Variants in STIL observed in about 807,000 individuals in gnomAD.
STIL encodes SCL-interrupting locus protein.
In STIL, 55 loss-of-function variants were observed where a neutral mutation model predicts 110.1. That is an observed-to-expected ratio of 0.50 (90% CI 0.40 to 0.63). STIL has a LOEUF of 0.63. STIL is among the 20% of genes least tolerant of loss of function. The probability of loss-of-function intolerance (pLI) is 0.00; values close to 1 mark genes in which losing one functional copy is unlikely to be tolerated. For missense variants in STIL, 1,358 were observed against 1,530.0 expected, an observed-to-expected ratio of 0.89 and a Z score of 1.87; for synonymous variants, 481 against 530.0, an observed-to-expected ratio of 0.91 and a Z score of 1.27.
chr1:47,286,613 T>G (rs980460817), intron 10 of STIL, among the ~76,000 whole-genome samples: 11 of 151,642 alleles, frequency 7.3e-5, no homozygotes, highest in Middle Eastern at 3.4e-3. Flanking sequence ...GAGAATGGCG[T>G]GGACCCGGGA....
chr1:47,282,109 C>T (rs1260955575), intron 11 of STIL, among the ~76,000 whole-genome samples: 1 of 151,962 alleles, frequency 6.6e-6, no homozygotes, highest in East Asian at 1.9e-4. Context: ...AATAACCATA[C>T]ATGCTTATTA....
Position 47,251,071 on chromosome 1 carries a change from T to C in STIL, c.*65A>G. The C allele has an allele frequency of 1.3e-6, 2 of 1,503,240 alleles. No individual in the cohort carries two copies. The highest frequency in any genetic ancestry group is 1.8e-6 in the Non-Finnish European group (2 of 1,105,712). The allele number at this position is 1,503,240 out of a possible 1,614,324, so 93.1% of individuals were successfully genotyped here. A position where few individuals can be genotyped will look rare whatever the true frequency, so the allele number is the denominator to read the frequency against. On this transcript the variant is annotated 3_prime_UTR_variant, in exon 17 of 17. Transcript: ENST00000371877. ...GATCAGGAGCCTTGTGGTAGGCTCC[T>C]GTTTTCCCTAAGTATCTTCAGGAGA...
chr1:47,270,251 T>TACAC (rs1223004051), intron 13 of STIL, among the ~76,000 whole-genome samples: 13,721 of 118,570 alleles, frequency 0.12, 944 homozygotes, highest in Non-Finnish European at 0.15. Context: ...AATATATATA[T>TACAC]ATATACACAC....
chr1:47,264,060 T>C (rs1004306386), intron 14 of STIL, among the ~76,000 whole-genome samples: 1 of 152,158 alleles, frequency 6.6e-6, no homozygotes, highest in Admixed American at 6.5e-5. Context: ...GCCTCAAGGA[T>C]TTAAAAATAT....
At chr1:47,297,541 T>A (rs374254032) in intron 6 of STIL, among the ~76,000 whole-genome samples, 1 of 152,170 alleles carries the variant, frequency 6.6e-6, no homozygotes, top group African/African-American at 2.4e-5. Context: ...TATGCCATAA[T>A]GGGCCCTAGT....
At position 47,251,531 on chromosome 1, in the gene STIL, G is replaced by A; in HGVS notation, c.3472C>T (p.Leu1158Phe). ...SKSEYLLNQNLRSIPEQLGGQ... is the reference protein window; with the variant it reads ...SKSEYLLNQNFRSIPEQLGGQ... ...CCAAGCTGTTCAGGTATGGACCTAA[G>A]GTTCTGATTCAATAAATATTCACTC... The change falls in exon 17 of 17, where the codon CTT (leucine) becomes TTT (phenylalanine). Residue 1158 changes from leucine to phenylalanine, a missense_variant. Transcript: ENST00000371877. 6.2e-7 allele frequency: 1 copy of A among 1,614,180 alleles called. No individual in the cohort carries two copies. Among genetic ancestry groups the A allele is most frequent in the South Asian group, 1.1e-5 (1 of 91,070 alleles).
chr1:47,259,598 TAACTTTGGAAGAGTCAGGCAGG>T (rs1335499185), intron 16 of STIL, among the ~76,000 whole-genome samples: 6 of 152,172 alleles, frequency 3.9e-5, no homozygotes, highest in African/African-American at 1.4e-4. Context: ...CTAAGAGAAG[TAACTTTGGAAGAGTCAGGCAGG>T]AATGTGGGGA....
chr1:47,264,040 A>C (rs575534188), intron 14 of STIL, among the ~76,000 whole-genome samples: 2 of 152,328 alleles, frequency 1.3e-5, no homozygotes, highest in South Asian at 4.1e-4. Flanking sequence ...GGCGTGAGCC[A>C]CTGCACCTGG....
Position 47,251,139 on chromosome 1 carries a change from A to C in STIL, c.3864T>G (p.Phe1288Leu), listed in dbSNP as rs1644169881. The C allele has an allele frequency of 6.2e-7, 1 of 1,613,700 alleles. No individual in the cohort carries two copies. Among genetic ancestry groups the C allele is most frequent in the Admixed American group, 1.7e-5 (1 of 59,950 alleles). Reference protein sequence around the residue: ...VKRLRQLPKLF With the variant: ...VKRLRQLPKLL ...AAAAGGGCAGGGAGTTAAAAGGTTA[A>C]AATAATTTTGGTAACTGTCTGAGAC... is the stretch of plus-strand genomic sequence containing the variant. Residue 1288 changes from phenylalanine to leucine, a missense_variant, in exon 17 of 17, where the codon TTT (phenylalanine) becomes TTG (leucine). Coordinates refer to ENST00000371877, the MANE Select transcript of STIL (RefSeq NM_001048166.1).
chr1:47,252,426 T>G (rs1644211347), intron 16 of STIL, among the ~76,000 whole-genome samples: 1 of 151,984 alleles, frequency 6.6e-6, no homozygotes, highest in Admixed American at 6.6e-5. Context: ...GGGATACAAA[T>G]AATAGCCTAG....
chr1:47,311,478 G>A (rs531904385), intron 1 of STIL, among the ~76,000 whole-genome samples: 1 of 151,446 alleles, frequency 6.6e-6, no homozygotes, highest in Non-Finnish European at 1.5e-5. Flanking sequence ...GTAGAGATGG[G>A]GTTTCATCAC....
At chr1:47,256,185 G>A (rs1029145579) in intron 16 of STIL, among the ~76,000 whole-genome samples, 6 of 152,084 alleles carry the variant, frequency 3.9e-5, no homozygotes, top group African/African-American at 9.7e-5. Context: ...TATAAATACT[G>A]ACAGTAAATA....
chr1:47,298,593 C>G (rs1158922586), intron 6 of STIL, among the ~76,000 whole-genome samples: 1 of 151,756 alleles, frequency 6.6e-6, no homozygotes, highest in Non-Finnish European at 1.5e-5. Flanking sequence ...AATTCTCTAG[C>G]CTCCCTTGGG....
chr1:47,251,811 C>T lies in STIL; in HGVS notation c.3192G>A (p.Glu1064=), dbSNP rs145345102. 8.7e-6 allele frequency: 14 copies of T among 1,609,928 alleles called. No homozygotes were observed. The highest frequency in any genetic ancestry group is 1.2e-5 in the Non-Finnish European group (14 of 1,177,768). ...AATATTTCAGAGCTATAGCATTTGC[C>T]TCCATGCTCAAATCCACACCATTGG... ...LSPNGVDLSM[E]ANAIALKYLN... Residue 1064 remains glutamate (E), a synonymous_variant, in exon 17 of 17, where the codon GAG becomes GAA. Coordinates refer to ENST00000371877, the MANE Select transcript of STIL (RefSeq NM_001048166.1).
Position 47,263,174 on chromosome 1 carries a change from G to A in STIL, c.2616-58C>T. 2.0e-6 allele frequency: 3 copies of A among 1,499,910 alleles called. No individual in the cohort carries two copies. The South Asian group carries it at 3.5e-5, about 17-fold the overall frequency. 92.9% of individuals were successfully genotyped at this position (1,499,910 alleles called of 1,614,324 possible). A position where few individuals can be genotyped will look rare whatever the true frequency, so the allele number is the denominator to read the frequency against. ...GGTACCTTTAACATATAATTGAAAT[G>A]TAGTAACTTTAGAAAAAAGGGTTAA... On this transcript the variant is annotated intron_variant, in intron 14 of 16. Coordinates refer to ENST00000371877, the MANE Select transcript of STIL (RefSeq NM_001048166.1).
At chr1:47,252,385 A>C (rs1557696742) in intron 16 of STIL, among the ~76,000 whole-genome samples, 1 of 152,218 alleles carries the variant, frequency 6.6e-6, no homozygotes, top group Non-Finnish European at 1.5e-5. Context: ...CTGTCTCTTA[A>C]AAAAGAAAAA....
chr1:47,252,361 A>C (rs1644208960), intron 16 of STIL, among the ~76,000 whole-genome samples: 2 of 152,214 alleles, frequency 1.3e-5, no homozygotes, highest in African/African-American at 4.8e-5. Context: ...CAGCCTGGGC[A>C]ACAGAACAAG....
intron 8 of STIL, among the ~76,000 whole-genome samples, chr1:47,292,272 A>AGT (rs1175880962): frequency 6.6e-6 from 1 of 152,174 alleles, no homozygotes; most frequent in Non-Finnish European, 1.5e-5. Context: ...TCACAGTGTT[A>AGT]GTGCAGGTAG....
At chr1:47,304,811 T>C (rs1234105608) in intron 3 of STIL, 78 bp downstream of exon 3, 9 of 1,072,982 alleles carry the variant, frequency 8.4e-6, no homozygotes, top group Non-Finnish European at 1.3e-5. Context: ...TTGGTCATAG[T>C]AATCAACTTT....
Sources: gnomAD v4.1 joint callset for allele counts (sites outside exome capture counted in the v4.1 genomes callset) on GRCh38, gnomAD v4.1.1 for gene constraint, MANE v1.5 for transcripts, NCBI Gene and HGNC (gene_info 2026-07-23, HGNC 2026-07-21) for gene names.